Variants in CFAP276 observed in about 807,000 individuals in gnomAD.
CFAP276 encodes cilia and flagella associated protein 276.
chr1:109,112,647 A>T, the CFAP276 span: 1 of 1,550,600 alleles, frequency 6.4e-7, no homozygotes, highest in South Asian at 1.2e-5. Context: ...TATCTAATGT[A>T]GGCTGCTGGA....
chr1:109,107,006 C>A, the CFAP276 span: 12 of 1,609,812 alleles, frequency 7.5e-6, no homozygotes, highest in East Asian at 2.2e-5. Context: ...CTACCACTTA[C>A]CTATAGGTAT....
the CFAP276 span, among the ~76,000 whole-genome samples, chr1:109,110,352 A>C: frequency 6.6e-6 from 1 of 152,154 alleles, no homozygotes; most frequent in Non-Finnish European, 1.5e-5. Context: ...AGCTCACTGC[A>C]GTCTGGCCTC....
chr1:109,112,449 A>G, the CFAP276 span: 16 of 1,167,678 alleles, frequency 1.4e-5, 2 homozygotes, highest in Middle Eastern at 5.9e-4. Context: ...TTGAATATGG[A>G]GATAGGGAGG....
chr1:109,106,175 C>CCTACAAATGTACTG, the CFAP276 span: 1 of 1,228,588 alleles, frequency 8.1e-7, no homozygotes, highest in Non-Finnish European at 1.2e-6. Flanking sequence ...AACATCAATA[C>CCTACAAATGTACTG]ATTTGTAGGT....
chr1:109,106,398 T>C, the CFAP276 span: 1 of 1,182,060 alleles, frequency 8.5e-7, no homozygotes, highest in African/African-American at 1.5e-5. Context: ...ACTTGCCAAC[T>C]TAATCATTGC....
chr1:109,109,140 G>A, the CFAP276 span, among the ~76,000 whole-genome samples: 1 of 152,090 alleles, frequency 6.6e-6, no homozygotes, highest in South Asian at 2.1e-4. Context: ...ATTCCAGTGA[G>A]TGCAACTAAC....
the CFAP276 span, chr1:109,107,895 A>T: frequency 6.6e-6 from 10 of 1,506,082 alleles, no homozygotes; most frequent in African/African-American, 1.4e-5. Flanking sequence ...GGCTGCAAAG[A>T]GGAATAATAT....
chr1:109,110,912 G>C, the CFAP276 span, among the ~76,000 whole-genome samples: 1 of 152,150 alleles, frequency 6.6e-6, no homozygotes, highest in Non-Finnish European at 1.5e-5. Context: ...GAACCCAGCA[G>C]CTATCCTAGA....
chr1:109,112,866 G>T, the CFAP276 span: 2 of 966,370 alleles, frequency 2.1e-6, no homozygotes, highest in Non-Finnish European at 1.4e-6. Context: ...ACCACGGGAG[G>T]CCCCTGGGGA....
At chr1:109,106,014 G>T in the CFAP276 span, 1 of 1,604,190 alleles carries the variant, frequency 6.2e-7, no homozygotes, top group Non-Finnish European at 8.5e-7. Flanking sequence ...AATTAGTTCA[G>T]GGATCTGTCA....
At chr1:109,108,153 T>C in the CFAP276 span, 1 of 804,768 alleles carries the variant, frequency 1.2e-6, no homozygotes, top group South Asian at 1.6e-5. Context: ...TGTTTTGTTT[T>C]ATTTTTTGAG....
the CFAP276 span, chr1:109,106,474 G>T: frequency 2.0e-4 from 308 of 1,571,522 alleles, no homozygotes; most frequent in Non-Finnish European, 2.5e-4. Flanking sequence ...CCTGATTCAT[G>T]GGTCCATTTA....
chr1:109,108,510 G>A, the CFAP276 span, among the ~76,000 whole-genome samples: 28 of 152,138 alleles, frequency 1.8e-4, no homozygotes, highest in Non-Finnish European at 4.0e-4. Context: ...GACTCCCCAG[G>A]CTCTTGATCC....
the CFAP276 span, chr1:109,113,818 C>A: frequency 1.1e-6 from 1 of 891,984 alleles, no homozygotes; most frequent in Non-Finnish European, 1.7e-6. Flanking sequence ...ACACGAGCCC[C>A]GGGCCTGCCT....
the CFAP276 span, chr1:109,113,701 C>T: frequency 6.2e-7 from 1 of 1,613,326 alleles, no homozygotes; most frequent in Non-Finnish European, 8.5e-7. Context: ...GTTCACACGC[C>T]ACGTGTGCAA....
At chr1:109,107,173 T>TTC in the CFAP276 span, 1 of 1,406,116 alleles carries the variant, frequency 7.1e-7, no homozygotes. Flanking sequence ...GTGTCCCTGC[T>TTC]CTAGTCAGGT....
the CFAP276 span, among the ~76,000 whole-genome samples, chr1:109,108,797 A>G: frequency 6.6e-6 from 1 of 152,182 alleles, no homozygotes; most frequent in Non-Finnish European, 1.5e-5. Context: ...AAAGGGAAGA[A>G]CGGGTTTGTG....
At chr1:109,107,404 T>G in the CFAP276 span, among the ~76,000 whole-genome samples, 1 of 152,192 alleles carries the variant, frequency 6.6e-6, no homozygotes, top group Non-Finnish European at 1.5e-5. Flanking sequence ...TTATATTCAG[T>G]CCTTGTTTTA....
At chr1:109,112,875 G>T in the CFAP276 span, 4 of 853,168 alleles carry the variant, frequency 4.7e-6, no homozygotes, top group Admixed American at 3.2e-5. Context: ...GGCCCCTGGG[G>T]AGGAAGCTCC....
Sources: allele counts gnomAD v4.1 joint callset (sites outside exome capture counted in the v4.1 genomes callset), GRCh38; gene constraint gnomAD v4.1.1; transcripts MANE v1.5; gene names NCBI Gene and HGNC (gene_info 2026-07-23, HGNC 2026-07-21).